The following TEK variants were observed in gnomAD, a reference collection of about 807,000 sequenced individuals.
TEK encodes angiopoietin-1 receptor.
A neutral mutation model predicts 131.8 loss-of-function variants in TEK; 43 were observed. The ratio of observed to expected loss-of-function variants is 0.33; its 90% CI spans 0.26 to 0.42. The LOEUF is 0.42. TEK is among the 10% of genes least tolerant of loss of function. The probability of loss-of-function intolerance (pLI) is 1.00; values close to 1 mark genes in which losing one functional copy is unlikely to be tolerated. For synonymous variants in TEK, 580 were observed against 491.6 expected, an observed-to-expected ratio of 1.18 and a Z score of -2.38; for missense variants, 1,162 against 1,384.4, an observed-to-expected ratio of 0.84 and a Z score of 2.55.
At chr9:27,213,165 G>A (rs921960115) in intron 17 of TEK, among the ~76,000 whole-genome samples, 12 of 151,888 alleles carry the variant, frequency 7.9e-5, no homozygotes, top group Admixed American at 1.3e-4. Context: ...TTCCTAATAC[G>A]TAGCGAGGTA....
chr9:27,138,049 C>T (rs1388843245), intron 1 of TEK, among the ~76,000 whole-genome samples: 2 of 151,814 alleles, frequency 1.3e-5, no homozygotes, highest in East Asian at 1.9e-4. Context: ...TTAAAGGTGG[C>T]GCATCCAGAG....
chr9:27,202,928 G>T lies in TEK; in HGVS notation c.2018G>T (p.Arg673Leu). 1 of 1,613,964 alleles carries T rather than the reference G, an allele frequency of 6.2e-7. No homozygotes were observed. The highest frequency in any genetic ancestry group is 8.5e-7 in the Non-Finnish European group (1 of 1,179,976). Reference sequence around the variant, plus strand: ...TATTCTATTTCTTCTATTACTATCCGTTACAAGGTTCAAGGCAAGAATGAA... The same window carrying T: ...TATTCTATTTCTTCTATTACTATCCTTTACAAGGTTCAAGGCAAGAATGAA... ...DGYSISSITI[R>L]YKVQGKNEDQ... The change falls in exon 13 of 23, where the codon CGT (arginine) becomes CTT (leucine). Residue 673 changes from arginine (R) to leucine (L), a missense_variant. Coordinates refer to ENST00000380036, the MANE Select transcript of TEK (RefSeq NM_000459.5).
chr9:27,131,393 C>G (rs1269726270), intron 1 of TEK, among the ~76,000 whole-genome samples: 1 of 148,524 alleles, frequency 6.7e-6, no homozygotes, highest in Non-Finnish European at 1.5e-5. Flanking sequence ...GAGGTTGGAT[C>G]AGCTGAGCCC....
In TEK at chr9:27,173,254, A is replaced by G; in HGVS notation, c.793A>G (p.Lys265Glu). ...ACTGCACACGTTTGGCAGAACTTGTAAAGAAAGGTGCAGTGGACAAGAGGG... is the reference window on the plus strand; with the variant it reads ...ACTGCACACGTTTGGCAGAACTTGTGAAGAAAGGTGCAGTGGACAAGAGGG... Reference protein sequence around the residue: ...CELHTFGRTCKERCSGQEGCK... With the variant: ...CELHTFGRTCEERCSGQEGCK... Residue 265 changes from lysine (K) to glutamate (E), a missense_variant, in exon 6 of 23, where the codon AAA becomes GAA. Transcript: ENST00000380036. The G allele has an allele frequency of 6.2e-6, 10 of 1,614,080 alleles. No homozygotes were observed. The highest frequency in any genetic ancestry group is 8.5e-6 in the Non-Finnish European group (10 of 1,179,954).
chr9:27,228,408 T>C (rs958762780), intron 22 of TEK, 103 bp downstream of exon 22: 1 of 894,056 alleles, frequency 1.1e-6, no homozygotes, highest in East Asian at 2.7e-5. Context: ...CTTCTTGGCA[T>C]GGCCCTAAGT....
At chr9:27,204,849 G>T in intron 13 of TEK, 62 bp from the exon 14 acceptor site, 4 of 1,596,904 alleles carry the variant, frequency 2.5e-6, no homozygotes, top group Non-Finnish European at 2.6e-6. Flanking sequence ...TCCCACATAC[G>T]GTGTGGGTCT....
intron 1 of TEK, among the ~76,000 whole-genome samples, chr9:27,146,750 G>A (rs201751358): frequency 1.7e-4 from 25 of 148,264 alleles, no homozygotes; most frequent in Non-Finnish European, 3.1e-4. Flanking sequence ...TGGCGGGGGG[G>A]ACGGAGTCTT....
intron 21 of TEK, 50 bp from the exon 22 acceptor site, chr9:27,228,155 AG>A (rs779475706): frequency 6.8e-7 from 1 of 1,473,808 alleles, no homozygotes; most frequent in South Asian, 1.1e-5. Flanking sequence ...TGCCGTGCCT[AG>A]GACTGAAGCA....
intron 9 of TEK, among the ~76,000 whole-genome samples, chr9:27,189,345 C>G (rs1484499906): frequency 2.0e-5 from 3 of 152,182 alleles, no homozygotes; most frequent in African/African-American, 7.2e-5. Flanking sequence ...TTCCAGAACT[C>G]TCCCTCATCA....
intron 16 of TEK, among the ~76,000 whole-genome samples, chr9:27,210,844 C>T (rs1052693685): frequency 3.9e-5 from 6 of 152,102 alleles, no homozygotes; most frequent in Admixed American, 1.3e-4. Context: ...ATAGGCCGGG[C>T]GTGGTGGCTC....
intron 4 of TEK, among the ~76,000 whole-genome samples, chr9:27,171,227 T>C (rs1287099556): frequency 6.6e-6 from 1 of 152,200 alleles, no homozygotes; most frequent in Non-Finnish European, 1.5e-5. Flanking sequence ...TTGCCCTGAA[T>C]TTTCCCCAGC....
At chr9:27,223,826 C>G (rs1053185796) in intron 21 of TEK, among the ~76,000 whole-genome samples, 1 of 152,110 alleles carries the variant, frequency 6.6e-6, no homozygotes, top group African/African-American at 2.4e-5. Flanking sequence ...TCAGTGAATC[C>G]AGGAGCTAGT....
At chr9:27,214,278 T>C (rs573643660) in intron 18 of TEK, among the ~76,000 whole-genome samples, 1 of 152,332 alleles carries the variant, frequency 6.6e-6, no homozygotes, top group East Asian at 1.9e-4. Context: ...GTGGATGAAA[T>C]GTCACCATCC....
intron 11 of TEK, chr9:27,195,670 C>A (rs1163490474): frequency 2.2e-6 from 1 of 455,948 alleles, no homozygotes; most frequent in Non-Finnish European, 4.4e-6. Context: ...CCTCCTTTGT[C>A]CAGTGACATA....
At chr9:27,229,066 C>A in intron 22 of TEK, 92 bp from the exon 23 acceptor site, 2 of 1,142,684 alleles carry the variant, frequency 1.8e-6, no homozygotes, top group Admixed American at 1.7e-5. Flanking sequence ...TGAGTTGCAA[C>A]AAACTAAGAA....
rs1448267974 is a variant in TEK at position 27,192,508 on chromosome 9, A to G, written c.1509A>G (p.Thr503=). The part of the protein sequence containing the change: ...QHIQVTNEIV[T]LNYLEPRTEY... Reference sequence around the variant, plus strand: ...TCTCAGTGACAAATGAGATTGTTACACTCAACTATTTGGAACCTCGGACAG... The same window carrying G: ...TCTCAGTGACAAATGAGATTGTTACGCTCAACTATTTGGAACCTCGGACAG... Residue 503 remains threonine (T), a synonymous_variant, in exon 11 of 23, where the codon ACA becomes ACG. Transcript: ENST00000380036. 6 of 1,613,950 alleles carry G rather than the reference A, an allele frequency of 3.7e-6. No individual in the cohort carries two copies. Among genetic ancestry groups the G allele is most frequent in the Middle Eastern group, 1.6e-4 (1 of 6,062 alleles).
chr9:27,209,743 C>T (rs1358236839), intron 16 of TEK, among the ~76,000 whole-genome samples: 1 of 152,240 alleles, frequency 6.6e-6, no homozygotes, highest in African/African-American at 2.4e-5. Context: ...AGAATGCTTT[C>T]ATGTACAATT....
chr9:27,160,025 T>G (rs1289397219), intron 2 of TEK, among the ~76,000 whole-genome samples: 3 of 145,254 alleles, frequency 2.1e-5, no homozygotes, highest in African/African-American at 7.8e-5. Context: ...TTTTTTTTTT[T>G]TTTTTTTTTT....
At chr9:27,178,372 A>G (rs1824246448) in intron 6 of TEK, among the ~76,000 whole-genome samples, 1 of 152,074 alleles carries the variant, frequency 6.6e-6, no homozygotes, top group Non-Finnish European at 1.5e-5. Flanking sequence ...GCTTTGTAAT[A>G]TATTTTGAAA....
Sources: gnomAD v4.1 joint callset for allele counts (sites outside exome capture counted in the v4.1 genomes callset) on GRCh38, gnomAD v4.1.1 for gene constraint, MANE v1.5 for transcripts, NCBI Gene and HGNC (gene_info 2026-07-23, HGNC 2026-07-21) for gene names.